The following ABCB8 variants were observed in gnomAD, a reference collection of about 807,000 sequenced individuals.
ABCB8 encodes the protein mitochondrial potassium channel ATP-binding subunit.
Under a neutral mutation model 73.0 loss-of-function variants are expected in ABCB8, and 52 were observed. That is an observed-to-expected ratio of 0.71 (90% CI 0.57 to 0.90). ABCB8 has a LOEUF of 0.90. ABCB8 is among the 40% of genes least tolerant of loss of function. The pLI, the probability that ABCB8 is intolerant of heterozygous loss-of-function variation, is 0.00. For missense variants in ABCB8, 909 were observed against 974.6 expected (o/e 0.93, Z 0.90); for synonymous variants, 428 against 423.5 (o/e 1.01, Z -0.13).
chr7:151,039,205 A>G (rs1362686271), intron 9 of ABCB8: 1 of 152,396 alleles, frequency 6.6e-6, no homozygotes, highest in Non-Finnish European at 1.5e-5. Flanking sequence ...GCCAGGCCCT[A>G]ATGTCTTCCA....
intron 2 of ABCB8, 81 bp downstream of exon 2, chr7:151,033,998 C>A (rs1238707518): frequency 1.2e-5 from 18 of 1,460,800 alleles, no homozygotes; most frequent in African/African-American, 1.4e-5. Flanking sequence ...GCCTCGCTGC[C>A]TCTCAGGGGA....
In ABCB8 at chr7:151,040,815, C is replaced by A; in HGVS notation, c.1389-13C>A. The A allele has an allele frequency of 6.3e-7, 1 of 1,586,202 alleles. No homozygotes were observed. Among genetic ancestry groups the A allele is most frequent in the Non-Finnish European group, 8.6e-7 (1 of 1,166,466 alleles). On this transcript the variant is annotated splice_polypyrimidine_tract_variant and intron_variant, in intron 11 of 15. Coordinates refer to ENST00000358849, the MANE Select transcript of ABCB8 (RefSeq NM_007188.5). ...GAGCCTGGTCTGACTGGGGGTCTCTCGGCTCCTCCCAGCTACCCCTGCCGC... is the reference window on the plus strand; with the variant it reads ...GAGCCTGGTCTGACTGGGGGTCTCTAGGCTCCTCCCAGCTACCCCTGCCGC...
At chr7:151,031,165 A>G (rs1431487756) in intron 1 of ABCB8, 3 of 952,236 alleles carry the variant, frequency 3.2e-6, no homozygotes, top group Non-Finnish European at 4.9e-6. Context: ...CTCAACAAGC[A>G]TAAACATTTG....
intron 5 of ABCB8, 64 bp downstream of exon 5, chr7:151,034,893 C>T: frequency 6.9e-7 from 1 of 1,439,582 alleles, no homozygotes; most frequent in Non-Finnish European, 9.6e-7. Flanking sequence ...TTCACCAGGC[C>T]AGCCCTGCCC....
chr7:151,033,408 A>G (rs1342634826), intron 1 of ABCB8, 197 bp from the exon 2 acceptor site: 5 of 1,398,084 alleles, frequency 3.6e-6, no homozygotes, highest in Non-Finnish European at 4.6e-6. Context: ...TCAGTGCCTC[A>G]TTCCTCTGCG....
chr7:151,031,108 GTAGT>G, intron 1 of ABCB8: 1 of 591,930 alleles, frequency 1.7e-6, no homozygotes, highest in Non-Finnish European at 3.0e-6. Flanking sequence ...AAACCCTGTA[GTAGT>G]TAGGTCAGAT....
intron 1 of ABCB8, chr7:151,033,104 G>A: frequency 2.2e-6 from 1 of 457,562 alleles, no homozygotes; most frequent in Non-Finnish European, 4.4e-6. Context: ...TGAGGATCAA[G>A]GGAAGTAGCC....
intron 1 of ABCB8, among the ~76,000 whole-genome samples, chr7:151,029,387 A>G (rs1796081370): frequency 6.8e-6 from 1 of 146,466 alleles, no homozygotes. Context: ...CGAGAGAGAG[A>G]GACAGACAGA....
chr7:151,034,407 G>A lies in ABCB8; in HGVS notation c.543G>A (p.Leu181=). ...AGTCCCAGAATCTCAGCACCCACCT[G>A]CTTATCCTCTATGGTGTCCAGGTAC... ...MTESQNLSTH[L]LILYGVQGLL... The change falls in exon 3 of 16, where the codon CTG becomes CTA. Residue 181 remains leucine, a synonymous_variant. Coordinates refer to ENST00000358849, the MANE Select transcript of ABCB8 (RefSeq NM_007188.5). 1 of 1,614,014 alleles carries A rather than the reference G, an allele frequency of 6.2e-7. No individual in the cohort carries two copies. The highest frequency in any genetic ancestry group is 1.1e-5 in the South Asian group (1 of 91,088).
At chr7:151,040,796 G>C in intron 11 of ABCB8, 32 bp from the exon 12 acceptor site, 1 of 1,587,014 alleles carries the variant, frequency 6.3e-7, no homozygotes. Flanking sequence ...CTGGGAGCCT[G>C]GTCTGACTGG....
rs776277200 is a variant in ABCB8 at position 151,035,613 on chromosome 7, C to T, written c.798C>T (p.Cys266=). The stretch of plus-strand genomic sequence containing the variant: ...GAAGCTGCACCCAGGTGGCAGGCTG[C>T]CTGGTGTCCCTGTCCATGCTGTCGA... ...GLRSCTQVAG[C]LVSLSMLSTR... The change falls in exon 6 of 16, where the codon TGC becomes TGT. Residue 266 remains cysteine, a synonymous_variant. Coordinates refer to ENST00000358849, the MANE Select transcript of ABCB8 (RefSeq NM_007188.5). 2.5e-6 allele frequency: 4 copies of T among 1,603,298 alleles called. No homozygotes were observed. In the East Asian group the frequency reaches 6.7e-5, roughly 27 times the overall value.
At chr7:151,041,707 C>T (rs1303016828) in intron 13 of ABCB8, among the ~76,000 whole-genome samples, 1 of 152,218 alleles carries the variant, frequency 6.6e-6, no homozygotes, top group Non-Finnish European at 1.5e-5. Flanking sequence ...CTCCCAGCGC[C>T]CTGCCCTGCC....
At chr7:151,038,521 GAAGCCCAGTGGCTCCCTTA>G (rs1386374321) in intron 9 of ABCB8, 2 of 151,168 alleles carry the variant, frequency 1.3e-5, no homozygotes, top group Non-Finnish European at 3.0e-5. Context: ...AAAAAAAAAA[GAAGCCCAGTGGCTCCCTTA>G]ATAAAATCAC....
chr7:151,040,822 T>G lies in ABCB8; in HGVS notation c.1389-6T>G. 1 of 1,589,044 alleles carries G rather than the reference T, an allele frequency of 6.3e-7. No individual in the cohort carries two copies. The highest frequency in any genetic ancestry group is 8.6e-7 in the Non-Finnish European group (1 of 1,168,004). ...GTCTGACTGGGGGTCTCTCGGCTCC[T>G]CCCAGCTACCCCTGCCGCCCCGGCT... On this transcript the variant is annotated splice_region_variant and splice_polypyrimidine_tract_variant and intron_variant, in intron 11 of 15. Coordinates refer to ENST00000358849, the MANE Select transcript of ABCB8 (RefSeq NM_007188.5).
intron 9 of ABCB8, chr7:151,040,060 ATCC>A: frequency 1.7e-6 from 1 of 575,382 alleles, no homozygotes; most frequent in Non-Finnish European, 3.0e-6. Context: ...GACAGCTGTC[ATCC>A]TCATCTGGCC....
chr7:151,042,041 AG>A lies in ABCB8; in HGVS notation c.1699del (p.Ala567ProfsTer50). 6.2e-7 allele frequency: 1 copy of A among 1,613,176 alleles called. No homozygotes were observed. The highest frequency in any genetic ancestry group is 8.5e-7 in the Non-Finnish European group (1 of 1,179,988). On this transcript the variant is annotated frameshift_variant, in exon 14 of 16. Coordinates refer to ENST00000358849, the MANE Select transcript of ABCB8 (RefSeq NM_007188.5). LOFTEE classifies it high-confidence loss of function. ...AAGCTTCCGATGAAGAGGTGTACAC[AG>A]CCGCCCGGGAAGCGAATGCTCACGA... The part of the protein sequence containing the change: ...LEASDEEVYT[A>X]AREANAHEFI...
chr7:151,029,915 A>C (rs1306788591), intron 1 of ABCB8, among the ~76,000 whole-genome samples: 1 of 152,184 alleles, frequency 6.6e-6, no homozygotes, highest in East Asian at 1.9e-4. Context: ...TGACTGATGG[A>C]GGGCAAGAGC....
At chr7:151,043,791 G>A (rs1249924385) in intron 14 of ABCB8, among the ~76,000 whole-genome samples, 180 bp from the exon 15 acceptor site, 5 of 130,078 alleles carry the variant, frequency 3.8e-5, no homozygotes, top group Admixed American at 3.2e-4. Context: ...GGGGTGGGGG[G>A]TCAGAGGCAG....
rs1196714630 is a variant in ABCB8 at position 151,042,094 on chromosome 7, A to G, written c.1751A>G (p.Tyr584Cys). The G allele has an allele frequency of 1.2e-6, 2 of 1,612,996 alleles. No homozygotes were observed. The highest frequency in any genetic ancestry group is 8.5e-7 in the Non-Finnish European group (1 of 1,179,920). ...TTCATCACCAGCTTCCCCGAGGGCT[A>G]CAACACGGTCGTCGGTGGGTGCTCG... ...HEFITSFPEG[Y>C]NTVVGERGTT... Residue 584 changes from tyrosine to cysteine, a missense_variant, in exon 14 of 16, where the codon TAC (tyrosine) becomes TGC (cysteine). Coordinates refer to ENST00000358849, the MANE Select transcript of ABCB8 (RefSeq NM_007188.5).
Sources: gnomAD v4.1 joint callset for allele counts (sites outside exome capture counted in the v4.1 genomes callset) on GRCh38, gnomAD v4.1.1 for gene constraint, MANE v1.5 for transcripts, NCBI Gene and HGNC (gene_info 2026-07-23, HGNC 2026-07-21) for gene names.